REDIC1: variants seen among roughly 807,000 people sequenced by gnomAD.
REDIC1 encodes the protein regulator of DNA class I crossover intermediates 1.
At chr12:39,868,955 T>C in the REDIC1 span, among the ~76,000 whole-genome samples, 7 of 152,208 alleles carry the variant, frequency 4.6e-5, no homozygotes, top group Non-Finnish European at 1.0e-4. Flanking sequence ...ATCATCTTGA[T>C]ATAACATTTT....
At chr12:39,852,927 G>A in the REDIC1 span, among the ~76,000 whole-genome samples, 1 of 152,168 alleles carries the variant, frequency 6.6e-6, no homozygotes, top group Non-Finnish European at 1.5e-5. Flanking sequence ...AATAGCCAAT[G>A]GGAAACCTCT....
At chr12:39,657,194 TC>T in the REDIC1 span, among the ~76,000 whole-genome samples, 4 of 152,214 alleles carry the variant, frequency 2.6e-5, no homozygotes, top group Non-Finnish European at 4.4e-5. Flanking sequence ...TGTATTTTTT[TC>T]CTATACCTTT....
chr12:39,890,506 T>C, the REDIC1 span, among the ~76,000 whole-genome samples: 1 of 152,192 alleles, frequency 6.6e-6, no homozygotes, highest in Non-Finnish European at 1.5e-5. Context: ...GTGGGCCTAA[T>C]ATAAGCATGA....
At chr12:39,653,732 G>A in the REDIC1 span, among the ~76,000 whole-genome samples, 1 of 151,832 alleles carries the variant, frequency 6.6e-6, no homozygotes, top group African/African-American at 2.4e-5. Context: ...AAGAGCAGAT[G>A]TGCCTATTGT....
the REDIC1 span, among the ~76,000 whole-genome samples, chr12:39,630,002 A>G: frequency 1.8e-4 from 28 of 152,152 alleles, no homozygotes; most frequent in Non-Finnish European, 3.7e-4. Flanking sequence ...TTTTTTACTT[A>G]TCTGGGACTT....
the REDIC1 span, among the ~76,000 whole-genome samples, chr12:39,631,919 TA>T: frequency 6.6e-6 from 1 of 152,102 alleles, no homozygotes. Context: ...ATATGCAGTT[TA>T]AGTAATTGAT....
the REDIC1 span, among the ~76,000 whole-genome samples, chr12:39,653,542 C>CTTCTTCTTCTTT: frequency 2.9e-3 from 107 of 37,248 alleles, no homozygotes; most frequent in Middle Eastern, 0.012. Flanking sequence ...TCTTCTTTTT[C>CTTCTTCTTCTTT]TTCTTCTTCT....
At chr12:39,833,425 A>G in the REDIC1 span, among the ~76,000 whole-genome samples, 2 of 151,834 alleles carry the variant, frequency 1.3e-5, no homozygotes. Flanking sequence ...TTCATTCCCC[A>G]CTGATCTCTC....
At chr12:39,652,762 G>A in the REDIC1 span, among the ~76,000 whole-genome samples, 5 of 152,016 alleles carry the variant, frequency 3.3e-5, no homozygotes, top group East Asian at 9.6e-4. Flanking sequence ...GTGTGGTAAG[G>A]GTCTGAATCC....
the REDIC1 span, among the ~76,000 whole-genome samples, chr12:39,664,041 C>T: frequency 3.3e-5 from 5 of 151,778 alleles, no homozygotes; most frequent in South Asian, 4.2e-4. Context: ...TTACATATGA[C>T]AACTTCTCTC....
At chr12:39,901,191 C>G in the REDIC1 span, among the ~76,000 whole-genome samples, 1 of 152,118 alleles carries the variant, frequency 6.6e-6, no homozygotes, top group African/African-American at 2.4e-5. Context: ...GAAATTAATT[C>G]AAGATGGATT....
the REDIC1 span, among the ~76,000 whole-genome samples, chr12:39,814,427 C>A: frequency 2.0e-5 from 3 of 152,144 alleles, no homozygotes; most frequent in Non-Finnish European, 4.4e-5. Context: ...AAGGCTTTAG[C>A]TGATCTTTAT....
the REDIC1 span, among the ~76,000 whole-genome samples, chr12:39,816,242 C>T: frequency 1.1e-4 from 17 of 152,134 alleles, no homozygotes; most frequent in African/African-American, 4.1e-4. Flanking sequence ...TAAAACAGCA[C>T]ATTTCTTCTA....
the REDIC1 span, among the ~76,000 whole-genome samples, chr12:39,735,896 G>T: frequency 6.6e-6 from 1 of 152,202 alleles, no homozygotes; most frequent in Non-Finnish European, 1.5e-5. Flanking sequence ...TTTGGAAGAT[G>T]GGGTGAACCC....
At chr12:39,787,595 T>C in the REDIC1 span, among the ~76,000 whole-genome samples, 1 of 152,182 alleles carries the variant, frequency 6.6e-6, no homozygotes, top group Admixed American at 6.5e-5. Flanking sequence ...TCAGTCCCTA[T>C]TGAAACAAGT....
chr12:39,830,377 C>A, the REDIC1 span: 4 of 1,409,786 alleles, frequency 2.8e-6, no homozygotes, highest in East Asian at 2.6e-5. Context: ...AAGTGACATG[C>A]GCTGAGCCAG....
the REDIC1 span, among the ~76,000 whole-genome samples, chr12:39,892,831 G>A: frequency 6.6e-6 from 1 of 151,722 alleles, no homozygotes; most frequent in African/African-American, 2.4e-5. Flanking sequence ...AGTAAATAAG[G>A]AAAAACAACC....
chr12:39,760,159 A>G, the REDIC1 span: 21 of 1,612,834 alleles, frequency 1.3e-5, no homozygotes, highest in Admixed American at 6.7e-5. Flanking sequence ...GAGTGATTCA[A>G]TTTCCTCTAA....
At chr12:39,658,773 A>C in the REDIC1 span, among the ~76,000 whole-genome samples, 3 of 152,156 alleles carry the variant, frequency 2.0e-5, no homozygotes, top group Non-Finnish European at 4.4e-5. Context: ...ATATATATTA[A>C]TGTATCACAG....
Sources: allele counts gnomAD v4.1 joint callset (sites outside exome capture counted in the v4.1 genomes callset), GRCh38; gene constraint gnomAD v4.1.1; transcripts MANE v1.5; gene names NCBI Gene and HGNC (gene_info 2026-07-23, HGNC 2026-07-21).